TRIO: variants seen among roughly 807,000 people sequenced by gnomAD.
TRIO encodes triple functional domain protein.
In TRIO, 58 loss-of-function variants were observed where a neutral mutation model predicts 351.9. The observed-to-expected ratio is 0.16, with a 90% CI of 0.13 to 0.21. TRIO has a LOEUF of 0.21. TRIO is among the 10% of genes least tolerant of loss of function. The pLI is 1.00. For synonymous variants in TRIO, 1,758 were observed against 1,595.7 expected, an observed-to-expected ratio of 1.10 and a Z score of -2.42; for missense variants, 3,201 against 4,027.8, an observed-to-expected ratio of 0.79 and a Z score of 5.56.
intron 1 of TRIO, among the ~76,000 whole-genome samples, chr5:14,220,002 A>G (rs1227552393): frequency 8.6e-6 from 1 of 115,794 alleles, no homozygotes; most frequent in Non-Finnish European, 1.9e-5. Context: ...ACTTTGTTCT[A>G]TTGTACAGAT....
intron 3 of TRIO, among the ~76,000 whole-genome samples, chr5:14,284,603 T>C (rs376029576): frequency 1.1e-4 from 16 of 152,304 alleles, no homozygotes; most frequent in African/African-American, 3.8e-4. Flanking sequence ...CTTATTCCTG[T>C]TGTTAAGCCT....
intron 1 of TRIO, among the ~76,000 whole-genome samples, chr5:14,157,555 CTCTCCCT>C (rs1788187662): frequency 1.3e-5 from 2 of 151,636 alleles, no homozygotes; most frequent in African/African-American, 4.9e-5. Flanking sequence ...GTCTCTCTCT[CTCTCCCT>C]GTCTCTCTCT....
intron 1 of TRIO, among the ~76,000 whole-genome samples, chr5:14,182,870 C>A (rs573283617): frequency 2.5e-5 from 2 of 81,252 alleles, no homozygotes; most frequent in Non-Finnish European, 3.5e-5. Flanking sequence ...AGACCCCCCC[C>A]CCTCCACTTT....
rs79897358 is a variant in TRIO, at chr5:14,322,411, C to T, written c.1731+5668C>T. Among the ~76,000 whole-genome samples, 1,130 of 152,190 alleles carry T rather than the reference C, an allele frequency of 7.4e-3. 12 individuals are homozygous for T. Among genetic ancestry groups the T allele is most frequent in the African/African-American group, 0.025 (1,033 of 41,498 alleles). On this transcript the variant is annotated intron_variant, in intron 9 of 56. Transcript: ENST00000344204. ...GGAATTTTGGAAGTGTGAGATCTCTCATGAGGATTTTGGTCATTTGAATGC... is the reference window on the plus strand; with the variant it reads ...GGAATTTTGGAAGTGTGAGATCTCTTATGAGGATTTTGGTCATTTGAATGC...
chr5:14,509,178 G>T lies in TRIO; in HGVS notation c.*756G>T. ...GCCCCTCCCCCTGTTCCTGCCCCAA[G>T]CCGTCAATCAGATTGTGGAGCAGTA... On this transcript the variant is annotated 3_prime_UTR_variant, in exon 57 of 57. Coordinates refer to ENST00000344204, the MANE Select transcript of TRIO (RefSeq NM_007118.4). 1 of 253,770 alleles carries T rather than the reference G, an allele frequency of 3.9e-6. No homozygotes were observed. Among genetic ancestry groups the T allele is most frequent in the South Asian group, 3.6e-5 (1 of 27,914 alleles). The allele number at this position is 253,770 out of a possible 1,614,324, so 15.7% of individuals were successfully genotyped here. A position where few individuals can be genotyped will look rare whatever the true frequency, so the allele number is the denominator to read the frequency against.
intron 1 of TRIO, among the ~76,000 whole-genome samples, chr5:14,184,193 G>A (rs1789964897): frequency 6.6e-6 from 1 of 152,078 alleles, no homozygotes; most frequent in East Asian, 1.9e-4. Context: ...TGGGGATTTA[G>A]AAATGTTTTT....
chr5:14,264,035 T>C (rs1453163630), intron 1 of TRIO, among the ~76,000 whole-genome samples: 1 of 152,226 alleles, frequency 6.6e-6, no homozygotes, highest in Non-Finnish European at 1.5e-5. Flanking sequence ...CTACTACTTC[T>C]TGACTATCAA....
chr5:14,306,463 C>T lies in TRIO; in HGVS notation c.1500+1871C>T, dbSNP rs562378857. ...CAAGTTCTTTCCCGTGATGTGCCAT[C>T]TCTATGCATTGTCTAATTTTGACCT... is the stretch of plus-strand genomic sequence containing the variant. On this transcript the variant is annotated intron_variant, in intron 8 of 56. Coordinates refer to ENST00000344204, the MANE Select transcript of TRIO (RefSeq NM_007118.4). 3.9e-5 allele frequency among the ~76,000 whole-genome samples: 6 copies of T among 152,370 alleles called. No homozygotes were observed. The East Asian group carries it at 9.6e-4, about 24-fold the overall frequency.
rs35990391 is a variant in TRIO at position 14,382,552 on chromosome 5, G to A, written c.3570+1300G>A. On this transcript the variant is annotated intron_variant, in intron 21 of 56. Transcript: ENST00000344204. Reference sequence around the variant, plus strand: ...GGTGAGCACTGGGGGAGGGCAGGGCGCAGGACCAGGGGACAGTAGCTGCCC... The same window carrying A: ...GGTGAGCACTGGGGGAGGGCAGGGCACAGGACCAGGGGACAGTAGCTGCCC... Among the ~76,000 whole-genome samples the A allele has an allele frequency of 1.4e-3, 208 of 152,298 alleles. 1 individual carries two copies. The highest frequency in any genetic ancestry group is 2.2e-3 in the Non-Finnish European group (150 of 68,016).
chr5:14,292,768 C>G (rs1049787206), intron 5 of TRIO, among the ~76,000 whole-genome samples: 3 of 152,336 alleles, frequency 2.0e-5, no homozygotes, highest in Middle Eastern at 3.4e-3. Flanking sequence ...ACTCTCTTTA[C>G]TTATCTGCTT....
Position 14,418,062 on chromosome 5 carries a change from G to A in TRIO, c.4960-1716G>A, listed in dbSNP as rs895149528. On this transcript the variant is annotated intron_variant, in intron 33 of 56. Coordinates refer to ENST00000344204, the MANE Select transcript of TRIO (RefSeq NM_007118.4). Reference sequence around the variant, plus strand: ...TGGTGATGAAGGCAGACACACACACGTGTAACTCCAGCTGTGGCTCACTTC... The same window carrying A: ...TGGTGATGAAGGCAGACACACACACATGTAACTCCAGCTGTGGCTCACTTC... Among the ~76,000 whole-genome samples, 9 of 152,310 alleles carry A rather than the reference G, an allele frequency of 5.9e-5. No individual in the cohort carries two copies. The East Asian group carries it at 7.7e-4, about 13-fold the overall frequency.
At chr5:14,256,831 C>T (rs1795046266) in intron 1 of TRIO, among the ~76,000 whole-genome samples, 1 of 152,192 alleles carries the variant, frequency 6.6e-6, no homozygotes, top group South Asian at 2.1e-4. Flanking sequence ...TGTGAGCTTT[C>T]ACAAAACCAT....
chr5:14,205,163 G>A (rs1255858042), intron 1 of TRIO, among the ~76,000 whole-genome samples: 2 of 152,214 alleles, frequency 1.3e-5, no homozygotes, highest in Admixed American at 6.5e-5. Context: ...ACAGAACATC[G>A]TTGTGTAACT....
chr5:14,211,920 T>G (rs1791927750), intron 1 of TRIO, among the ~76,000 whole-genome samples: 1 of 149,646 alleles, frequency 6.7e-6, no homozygotes, highest in African/African-American at 2.5e-5. Flanking sequence ...AAGACCAGCC[T>G]AGGCAACACA....
At chr5:14,300,483 A>G (rs34045422) in intron 7 of TRIO, among the ~76,000 whole-genome samples, 19,777 of 152,264 alleles carry the variant, frequency 0.13, 1,502 homozygotes, top group Admixed American at 0.22. Flanking sequence ...ACACATTTCT[A>G]TCCACTCGGG....
At position 14,487,802 on chromosome 5, in the gene TRIO, A is replaced by C; in HGVS notation, c.7174A>C (p.Arg2392=). ...CGAGGCCGGCCCCAGCGCGCCCAGC[A>C]GGCGGCCCCCCGGCGCGGACGCCGA... ...APEAGPSAPS[R]RPPGADAEGS... is the part of the protein sequence containing the mutation. The change falls in exon 48 of 57, where the codon AGG becomes CGG. Residue 2392 remains arginine (R), a synonymous_variant. Transcript: ENST00000344204. 1 of 1,410,570 alleles carries C rather than the reference A, an allele frequency of 7.1e-7. No homozygotes were observed. The allele number at this position is 1,410,570 out of a possible 1,614,324, so 87.4% of individuals were successfully genotyped here. A position where few individuals can be genotyped will look rare whatever the true frequency, so the allele number is the denominator to read the frequency against.
intron 40 of TRIO, among the ~76,000 whole-genome samples, chr5:14,474,719 A>G (rs533160041): frequency 9.9e-5 from 15 of 152,216 alleles, no homozygotes; most frequent in African/African-American, 3.6e-4. Context: ...CTGGAGTGTA[A>G]TAGTGCGATC....
Position 14,364,552 on chromosome 5 carries a change from C to T in TRIO, c.2588-98C>T, listed in dbSNP as rs962876128. On this transcript the variant is annotated intron_variant, in intron 14 of 56. Coordinates refer to ENST00000344204, the MANE Select transcript of TRIO (RefSeq NM_007118.4). ...CATAATGGCTTGGCCCCCAGCTGGG[C>T]AGATCATTCACAAAAGCAGATTTTG... The T allele has an allele frequency of 4.2e-6, 6 of 1,440,260 alleles. No individual in the cohort carries two copies. In the African/African-American group the frequency reaches 7.1e-5, roughly 17 times the overall value. 89.2% of individuals were successfully genotyped at this position (1,440,260 alleles called of 1,614,324 possible).
At chr5:14,172,675 C>T (rs1789169843) in intron 1 of TRIO, among the ~76,000 whole-genome samples, 1 of 152,194 alleles carries the variant, frequency 6.6e-6, no homozygotes, top group African/African-American at 2.4e-5. Flanking sequence ...CGTGGCATCA[C>T]TGAGGTGGAA....
Sources: allele counts gnomAD v4.1 joint callset (sites outside exome capture counted in the v4.1 genomes callset), GRCh38; gene constraint gnomAD v4.1.1; transcripts MANE v1.5; gene names NCBI Gene and HGNC (gene_info 2026-07-23, HGNC 2026-07-21).